The following APP variants were observed in gnomAD, a reference collection of about 807,000 sequenced individuals.
APP encodes amyloid-beta precursor protein.
In APP, 31 loss-of-function variants were observed where a neutral mutation model predicts 101.4. The ratio of observed to expected loss-of-function variants is 0.31; its 90% CI spans 0.23 to 0.41. APP has a LOEUF of 0.41. Ranked by LOEUF, APP falls within the 10% of genes least tolerant of loss-of-function variation. APP has a pLI of 1.00. For missense variants in APP, 839 were observed against 1,003.7 expected (o/e 0.84, Z 2.22); for synonymous variants, 366 against 364.4 (o/e 1.00, Z -0.05).
chr21:25,912,960 T>A (rs1328724417), intron 13 of APP, among the ~76,000 whole-genome samples: 1 of 152,234 alleles, frequency 6.6e-6, no homozygotes, highest in East Asian at 1.9e-4. Context: ...CAGACAGCAC[T>A]GCACTATTAA....
At chr21:25,965,812 T>A (rs912192147) in intron 11 of APP, among the ~76,000 whole-genome samples, 1 of 152,232 alleles carries the variant, frequency 6.6e-6, no homozygotes, top group Non-Finnish European at 1.5e-5. Context: ...AAAAACTAAA[T>A]ATTTATATTT....
At chr21:25,967,359 T>C (rs1234992894) in intron 11 of APP, among the ~76,000 whole-genome samples, 1 of 152,080 alleles carries the variant, frequency 6.6e-6, no homozygotes, top group Non-Finnish European at 1.5e-5. Context: ...TACAGGAAAA[T>C]GTTTCCTAAT....
intron 2 of APP, among the ~76,000 whole-genome samples, chr21:26,109,069 TC>T (rs1431793394): frequency 6.6e-6 from 1 of 152,166 alleles, no homozygotes; most frequent in Admixed American, 6.5e-5. Flanking sequence ...CAACAAGACT[TC>T]CGTGGGTGGG....
chr21:25,982,541 G>A (rs895916833), intron 8 of APP, 64 bp from the exon 9 acceptor site: 38 of 1,501,478 alleles, frequency 2.5e-5, no homozygotes, highest in South Asian at 5.7e-5. Context: ...TAATCCACTC[G>A]TTTAATAGAA....
chr21:26,152,581 T>C (rs193219455), intron 1 of APP, among the ~76,000 whole-genome samples: 1 of 152,252 alleles, frequency 6.6e-6, no homozygotes, highest in East Asian at 1.9e-4. Context: ...GGTAGGATTA[T>C]GCATATTTTT....
At position 25,954,733 on chromosome 21, in the gene APP, T is replaced by C. The variant is rs1443818562; in HGVS notation, c.1588-44A>G. On this transcript the variant is annotated intron_variant, in intron 12 of 17. Transcript: ENST00000346798. ...ACTCCAGGTCAACAATGTCTGGGGGTAGGAATGGTTCTTTTTCTTTCTTTT... is the reference window on the plus strand; with the variant it reads ...ACTCCAGGTCAACAATGTCTGGGGGCAGGAATGGTTCTTTTTCTTTCTTTT... The C allele has an allele frequency of 2.0e-6, 3 of 1,494,600 alleles. No individual in the cohort carries two copies. The Admixed American group carries it at 5.1e-5, about 25-fold the overall frequency. 92.6% of individuals were successfully genotyped at this position (1,494,600 alleles called of 1,614,324 possible).
chr21:25,881,908 A>G (rs1416296166), intron 17 of APP, 137 bp from the exon 18 acceptor site: 2 of 886,268 alleles, frequency 2.3e-6, no homozygotes, highest in Non-Finnish European at 3.6e-6. Context: ...TTTCTCCCCC[A>G]CTTTGACATC....
At chr21:26,009,080 G>T (rs2043667121) in intron 6 of APP, among the ~76,000 whole-genome samples, 1 of 152,174 alleles carries the variant, frequency 6.6e-6, no homozygotes, top group Non-Finnish European at 1.5e-5. Flanking sequence ...TTGAGAAGCA[G>T]CATGATCAAC....
At chr21:25,960,046 A>C (rs563090713) in intron 11 of APP, among the ~76,000 whole-genome samples, 22 of 152,290 alleles carry the variant, frequency 1.4e-4, no homozygotes, top group Non-Finnish European at 3.1e-4. Context: ...TGGGAGGAAG[A>C]GAGTTTTTAT....
intron 11 of APP, among the ~76,000 whole-genome samples, chr21:25,966,007 G>A (rs1298371165): frequency 6.6e-6 from 1 of 152,164 alleles, no homozygotes. Flanking sequence ...GAGGGAATCT[G>A]GGTGATGAAT....
chr21:25,987,087 C>T (rs142665572), intron 8 of APP, among the ~76,000 whole-genome samples: 6 of 152,302 alleles, frequency 3.9e-5, no homozygotes, highest in African/African-American at 1.4e-4. Context: ...ATGAGCAGCA[C>T]AACTTGGCAA....
intron 1 of APP, among the ~76,000 whole-genome samples, chr21:26,147,897 C>T (rs1265763428): frequency 6.6e-6 from 1 of 151,694 alleles, no homozygotes; most frequent in Non-Finnish European, 1.5e-5. Flanking sequence ...ACAGACTATT[C>T]CATTCAATTC....
chr21:26,009,925 G>C (rs922205132), intron 6 of APP: 3 of 164,690 alleles, frequency 1.8e-5, no homozygotes, highest in Non-Finnish European at 3.9e-5. Flanking sequence ...TGTAAAGAAA[G>C]AATTAGATGA....
chr21:25,916,404 C>T (rs1303305236), intron 13 of APP, among the ~76,000 whole-genome samples: 2 of 152,202 alleles, frequency 1.3e-5, no homozygotes, highest in African/African-American at 4.8e-5. Context: ...CAGCCAGCTA[C>T]CTGTAGACAT....
At chr21:26,024,491 T>A (rs2044482976) in intron 5 of APP, among the ~76,000 whole-genome samples, 1 of 152,124 alleles carries the variant, frequency 6.6e-6, no homozygotes, top group Admixed American at 6.5e-5. Flanking sequence ...TCCAAACACG[T>A]GAGACAAGCG....
chr21:25,905,149 A>G (rs576754161), intron 14 of APP, 72 bp from the exon 15 acceptor site: 3 of 1,314,070 alleles, frequency 2.3e-6, no homozygotes, highest in East Asian at 4.6e-5. Context: ...GCTCCCAAAC[A>G]TAGTCGAGCA....
At chr21:26,050,424 G>A (rs1016004765) in intron 5 of APP, among the ~76,000 whole-genome samples, 9 of 151,946 alleles carry the variant, frequency 5.9e-5, no homozygotes, top group African/African-American at 2.2e-4. Flanking sequence ...AGAAGTAACG[G>A]GACTAAGCTC....
intron 2 of APP, among the ~76,000 whole-genome samples, chr21:26,110,158 T>C (rs1290258141): frequency 6.6e-6 from 1 of 152,178 alleles, no homozygotes; most frequent in African/African-American, 2.4e-5. Context: ...AAAATACATA[T>C]AATGGACCAT....
intron 11 of APP, among the ~76,000 whole-genome samples, chr21:25,968,076 G>A (rs2041865467): frequency 6.6e-6 from 1 of 152,178 alleles, no homozygotes; most frequent in Non-Finnish European, 1.5e-5. Context: ...CAAAGACACA[G>A]CTCTGCTCAA....
Sources: allele counts gnomAD v4.1 joint callset (sites outside exome capture counted in the v4.1 genomes callset), GRCh38; gene constraint gnomAD v4.1.1; transcripts MANE v1.5; gene names NCBI Gene and HGNC (gene_info 2026-07-23, HGNC 2026-07-21).